The following WWP1 variants were observed in gnomAD, a reference collection of about 807,000 sequenced individuals.
WWP1 encodes WW domain containing E3 ubiquitin protein ligase 1, also known as NEDD4-like E3 ubiquitin-protein ligase WWP1.
Under a neutral mutation model 130.6 loss-of-function variants are expected in WWP1, and 49 were observed. That is an observed-to-expected ratio of 0.38 (90% CI 0.30 to 0.48). WWP1 has a LOEUF of 0.48. Ranked by LOEUF, WWP1 falls within the 20% of genes least tolerant of loss-of-function variation. The pLI is 0.99. For synonymous variants in WWP1, 332 were observed against 367.8 expected, an observed-to-expected ratio of 0.90 and a Z score of 1.11; for missense variants, 809 against 1,100.6, an observed-to-expected ratio of 0.74 and a Z score of 3.75.
intron 5 of WWP1, among the ~76,000 whole-genome samples, chr8:86,383,047 ATATAAT>A (rs1159011434): frequency 2.6e-5 from 4 of 152,348 alleles, no homozygotes; most frequent in Non-Finnish European, 4.4e-5. Context: ...AGTTAAGAAA[ATATAAT>A]TATGGATTAT....
chr8:86,366,232 C>T (rs1399812341), intron 1 of WWP1, among the ~76,000 whole-genome samples: 3 of 152,026 alleles, frequency 2.0e-5, no homozygotes, highest in Non-Finnish European at 4.4e-5. Flanking sequence ...AGGATGGGGC[C>T]ATATGAGCTA....
chr8:86,423,528 C>T (rs1452493580), intron 9 of WWP1, among the ~76,000 whole-genome samples: 1 of 152,150 alleles, frequency 6.6e-6, no homozygotes, highest in Non-Finnish European at 1.5e-5. Context: ...TTTCAGAGAG[C>T]ACAGGGTTGG....
chr8:86,398,359 C>A lies in WWP1; in HGVS notation c.352C>A (p.Gln118Lys), dbSNP rs745539340. ...HNRKLERVKE[Q>K]LKLSLENKNG... ...CTTTCTAGTGGAAAGAGTGAAAGAACAATTAAAACTTTCCTTGGAAAACAA... is the reference window on the plus strand; with the variant it reads ...CTTTCTAGTGGAAAGAGTGAAAGAAAAATTAAAACTTTCCTTGGAAAACAA... The change falls in exon 6 of 25, where the codon CAA (glutamine) becomes AAA (lysine). Residue 118 changes from glutamine to lysine, a missense_variant. Coordinates refer to ENST00000517970, the MANE Select transcript of WWP1 (RefSeq NM_007013.4). The A allele has an allele frequency of 5.9e-5, 95 of 1,600,634 alleles. No homozygotes were observed. The South Asian group carries it at 9.8e-4, about 17-fold the overall frequency.
chr8:86,453,496 C>T (rs1460456691), intron 21 of WWP1, among the ~76,000 whole-genome samples: 1 of 152,134 alleles, frequency 6.6e-6, no homozygotes, highest in African/African-American at 2.4e-5. Flanking sequence ...AATAGTGCTG[C>T]TGTGAACACA....
At chr8:86,465,803 G>A (rs538742969) in intron 24 of WWP1, among the ~76,000 whole-genome samples, 97 of 152,114 alleles carry the variant, frequency 6.4e-4, no homozygotes, top group South Asian at 4.2e-3. Flanking sequence ...TAAAGGGGAG[G>A]GCAGTATATG....
intron 5 of WWP1, among the ~76,000 whole-genome samples, chr8:86,392,017 A>G (rs555903555): frequency 2.3e-4 from 35 of 152,196 alleles, no homozygotes; most frequent in Non-Finnish European, 4.1e-4. Flanking sequence ...AACAGACAAT[A>G]AATTCTTTTG....
chr8:86,379,037 T>A (rs1824830124), intron 3 of WWP1, among the ~76,000 whole-genome samples: 1 of 152,238 alleles, frequency 6.6e-6, no homozygotes, highest in Non-Finnish European at 1.5e-5. Flanking sequence ...AACCCAGATA[T>A]GTCTATCCCT....
intron 11 of WWP1, 113 bp downstream of exon 11, chr8:86,427,930 A>C: frequency 1.9e-6 from 2 of 1,048,030 alleles, no homozygotes; most frequent in East Asian, 5.2e-5. Context: ...TGATTTTCAG[A>C]AATGGTATAG....
chr8:86,414,765 T>C (rs1808789043), intron 9 of WWP1, among the ~76,000 whole-genome samples: 1 of 152,248 alleles, frequency 6.6e-6, no homozygotes, highest in South Asian at 2.1e-4. Flanking sequence ...TATAGAGATA[T>C]GTAGATGAAA....
At chr8:86,442,532 G>T in intron 17 of WWP1, 87 bp from the exon 18 acceptor site, 1 of 1,264,478 alleles carries the variant, frequency 7.9e-7, no homozygotes, top group Non-Finnish European at 1.1e-6. Flanking sequence ...TTGAGCAGAG[G>T]TATGATGTAT....
intron 11 of WWP1, 116 bp downstream of exon 11, chr8:86,427,933 T>TCACA (rs1809724627): frequency 1.1e-6 from 1 of 918,324 alleles, no homozygotes; most frequent in East Asian, 2.8e-5. Context: ...TTTTCAGAAA[T>TCACA]GGTATAGACT....
chr8:86,437,924 C>T (rs183160659), intron 16 of WWP1, among the ~76,000 whole-genome samples: 116 of 152,218 alleles, frequency 7.6e-4, no homozygotes, highest in African/African-American at 2.6e-3. Flanking sequence ...CTTAGCCTCC[C>T]GAATAGCTGG....
intron 20 of WWP1, among the ~76,000 whole-genome samples, chr8:86,451,883 TGCTCTTACA>T (rs1379153723): frequency 3.3e-5 from 5 of 152,238 alleles, no homozygotes; most frequent in African/African-American, 1.2e-4. Flanking sequence ...CATACTTCCC[TGCTCTTACA>T]GCTGCTTTAT....
At chr8:86,345,061 AGTT>A (rs997014361) in intron 1 of WWP1, among the ~76,000 whole-genome samples, 2 of 152,172 alleles carry the variant, frequency 1.3e-5, no homozygotes, top group African/African-American at 2.4e-5. Context: ...AAGACCTCCC[AGTT>A]GTTGTAGTCA....
At chr8:86,354,218 T>G (rs1248154172) in intron 1 of WWP1, among the ~76,000 whole-genome samples, 3 of 152,222 alleles carry the variant, frequency 2.0e-5, no homozygotes. Flanking sequence ...TCAGTACATA[T>G]TCACTAGGCT....
chr8:86,421,659 C>G (rs1279658423), intron 9 of WWP1, among the ~76,000 whole-genome samples: 7 of 151,866 alleles, frequency 4.6e-5, no homozygotes. Flanking sequence ...CCCGTCTCTA[C>G]TAAAAATACA....
chr8:86,419,763 A>T (rs1399928246), intron 9 of WWP1, among the ~76,000 whole-genome samples: 1 of 151,582 alleles, frequency 6.6e-6, no homozygotes, highest in Non-Finnish European at 1.5e-5. Context: ...AAATGAAAAC[A>T]GATCTATTTT....
At position 86,427,625 on chromosome 8, in the gene WWP1, A is replaced by ATTGTTTACTT; in HGVS notation, c.1158-17_1158-8dup. 1 of 1,575,736 alleles carries ATTGTTTACTT rather than the reference A, an allele frequency of 6.3e-7. No individual in the cohort carries two copies. Among genetic ancestry groups the ATTGTTTACTT allele is most frequent in the East Asian group, 2.3e-5 (1 of 43,958 alleles). ...TTATATTGAGAGATTATTGTTTATTATTGTTTACTTGTGGTAGTTGGGAAA... is the reference window on the plus strand; with the variant it reads ...TTATATTGAGAGATTATTGTTTATTATTGTTTACTTTTGTTTACTTGTGGTAGTTGGGAAA... On this transcript the variant is annotated splice_polypyrimidine_tract_variant and intron_variant, in intron 10 of 24. Transcript: ENST00000517970.
At chr8:86,460,966 C>G (rs1015820720) in intron 22 of WWP1, among the ~76,000 whole-genome samples, 2 of 151,614 alleles carry the variant, frequency 1.3e-5, no homozygotes, top group African/African-American at 2.4e-5. Context: ...CCCGACACCA[C>G]GCCCGGCTAA....
Sources: allele counts gnomAD v4.1 joint callset (sites outside exome capture counted in the v4.1 genomes callset), GRCh38; gene constraint gnomAD v4.1.1; transcripts MANE v1.5; gene names NCBI Gene and HGNC (gene_info 2026-07-23, HGNC 2026-07-21).